Variants in THSD7A observed in about 807,000 individuals in gnomAD.
THSD7A encodes thrombospondin type 1 domain containing 7A.
A neutral mutation model predicts 231.3 loss-of-function variants in THSD7A; 96 were observed. The ratio of observed to expected loss-of-function variants is 0.41; its 90% CI spans 0.35 to 0.49. The LOEUF is 0.49. Ranked by LOEUF, THSD7A falls within the 20% of genes least tolerant of loss-of-function variation. THSD7A has a pLI of 0.05. For synonymous variants in THSD7A, 940 were observed against 743.3 expected, an observed-to-expected ratio of 1.26 and a Z score of -4.30; for missense variants, 2,290 against 2,070.2, an observed-to-expected ratio of 1.11 and a Z score of -2.06.
At chr7:11,551,887 T>G (rs185812984) in intron 4 of THSD7A, among the ~76,000 whole-genome samples, 2 of 152,018 alleles carry the variant, frequency 1.3e-5, no homozygotes, top group African/African-American at 4.8e-5. Context: ...TAAAGACATA[T>G]GCATGCATAT....
intron 4 of THSD7A, among the ~76,000 whole-genome samples, chr7:11,577,977 A>T (rs1790992631): frequency 6.6e-6 from 1 of 152,234 alleles, no homozygotes; most frequent in Admixed American, 6.5e-5. Context: ...TTCTAAAATA[A>T]TACAATGAAA....
intron 4 of THSD7A, among the ~76,000 whole-genome samples, chr7:11,580,827 A>C (rs1791126825): frequency 6.6e-6 from 1 of 152,110 alleles, no homozygotes; most frequent in Admixed American, 6.6e-5. Flanking sequence ...TCTGTACAAC[A>C]AACCCCCATG....
intron 1 of THSD7A, among the ~76,000 whole-genome samples, chr7:11,798,712 T>A (rs1347046551): frequency 6.6e-6 from 1 of 152,184 alleles, no homozygotes; most frequent in East Asian, 1.9e-4. Context: ...GGTATCTAAC[T>A]GATGATTCAG....
At chr7:11,658,332 G>C (rs1227219947) in intron 1 of THSD7A, among the ~76,000 whole-genome samples, 1 of 151,680 alleles carries the variant, frequency 6.6e-6, no homozygotes, top group Admixed American at 6.6e-5. Context: ...AGAAGGATGT[G>C]TCTATCACGT....
chr7:11,568,603 T>A (rs1244636472), intron 4 of THSD7A, among the ~76,000 whole-genome samples: 2 of 113,414 alleles, frequency 1.8e-5, no homozygotes, highest in Admixed American at 2.9e-4. Context: ...CCAACCTGAG[T>A]GACAGAGTGA....
chr7:11,565,631 G>T (rs967661090), intron 4 of THSD7A, among the ~76,000 whole-genome samples: 2 of 151,588 alleles, frequency 1.3e-5, no homozygotes, highest in African/African-American at 4.9e-5. Flanking sequence ...AGAGAGAGAA[G>T]AATCAAGTAT....
At chr7:11,641,202 T>A (rs1446078395) in intron 1 of THSD7A, among the ~76,000 whole-genome samples, 1 of 152,170 alleles carries the variant, frequency 6.6e-6, no homozygotes, top group Non-Finnish European at 1.5e-5. Context: ...ATATGCTTAA[T>A]TAGCTAATTA....
chr7:11,815,053 T>C (rs1784636827), intron 1 of THSD7A, among the ~76,000 whole-genome samples: 1 of 151,038 alleles, frequency 6.6e-6, no homozygotes, highest in Non-Finnish European at 1.5e-5. Flanking sequence ...TGTTGTTACA[T>C]ATACTTTCAT....
intron 4 of THSD7A, among the ~76,000 whole-genome samples, chr7:11,549,236 G>C (rs1014151393): frequency 1.3e-5 from 2 of 152,032 alleles, no homozygotes; most frequent in Non-Finnish European, 2.9e-5. Context: ...AAAAAGTCAA[G>C]AAACAATACA....
In THSD7A at chr7:11,375,196, A is replaced by G. The variant is rs1782216232; in HGVS notation, c.*598T>C. 6.6e-6 allele frequency: 1 copy of G among 152,046 alleles called. No homozygotes were observed. Among genetic ancestry groups the G allele is most frequent in the Non-Finnish European group, 1.5e-5 (1 of 67,976 alleles). 9.4% of individuals were successfully genotyped at this position (152,046 alleles called of 1,614,324 possible). A position where few individuals can be genotyped will look rare whatever the true frequency, so the allele number is the denominator to read the frequency against. Reference sequence around the variant, plus strand: ...TGGAGAGAGACAAGAAGTCTTAAAAAAGAGGCTTTGTCTCTGAAATGCAGG... The same window carrying G: ...TGGAGAGAGACAAGAAGTCTTAAAAGAGAGGCTTTGTCTCTGAAATGCAGG... On this transcript the variant is annotated 3_prime_UTR_variant, in exon 28 of 28. Transcript: ENST00000423059.
intron 11 of THSD7A, among the ~76,000 whole-genome samples, chr7:11,448,178 A>T (rs186381165): frequency 7.3e-4 from 111 of 152,286 alleles, no homozygotes; most frequent in African/African-American, 2.6e-3. Flanking sequence ...AAATTTAAAA[A>T]ATCAAAGTTT....
rs569748414 is a variant in THSD7A, at chr7:11,504,601, T to C, written c.1823-22619A>G. Among the ~76,000 whole-genome samples the C allele has an allele frequency of 2.0e-4, 30 of 152,334 alleles. No individual in the cohort carries two copies. The South Asian group carries it at 6.0e-3, about 30-fold the overall frequency. The stretch of plus-strand genomic sequence containing the variant: ...GGGGTTTTCCCTGGAGCTATCTATA[T>C]GAAGTAGTCCAGGATGTGGCAGGTA... On this transcript the variant is annotated intron_variant, in intron 6 of 27. Coordinates refer to ENST00000423059, the MANE Select transcript of THSD7A (RefSeq NM_015204.3).
At chr7:11,667,608 C>A (rs138637363) in intron 1 of THSD7A, among the ~76,000 whole-genome samples, 1 of 152,056 alleles carries the variant, frequency 6.6e-6, no homozygotes, top group East Asian at 1.9e-4. Flanking sequence ...TAGACTATGA[C>A]CACATTACAA....
At chr7:11,525,883 C>T (rs747818594) in intron 6 of THSD7A, among the ~76,000 whole-genome samples, 4 of 152,134 alleles carry the variant, frequency 2.6e-5, no homozygotes, top group East Asian at 1.9e-4. Flanking sequence ...CTAAATGTAA[C>T]GTGTGACTGG....
chr7:11,561,832 C>G (rs1034016127), intron 4 of THSD7A, among the ~76,000 whole-genome samples: 38 of 151,716 alleles, frequency 2.5e-4, no homozygotes, highest in African/African-American at 8.7e-4. Context: ...GCTTGGGCAA[C>G]AGAGCAACTC....
chr7:11,465,506 T>C (rs1163026904), intron 9 of THSD7A, among the ~76,000 whole-genome samples: 2 of 151,970 alleles, frequency 1.3e-5, no homozygotes, highest in Non-Finnish European at 2.9e-5. Context: ...TTCAGATATC[T>C]TAAGACATTC....
chr7:11,719,270 C>T (rs933585990), intron 1 of THSD7A, among the ~76,000 whole-genome samples: 3 of 151,668 alleles, frequency 2.0e-5, no homozygotes, highest in East Asian at 2.0e-4. Flanking sequence ...TTCCTCCCAC[C>T]CTACGCCCTT....
chr7:11,393,225 G>A (rs1293013519), intron 23 of THSD7A, among the ~76,000 whole-genome samples: 3 of 152,208 alleles, frequency 2.0e-5, no homozygotes, highest in African/African-American at 4.8e-5. Flanking sequence ...TGCAGCCTCC[G>A]TTGGTGATAT....
intron 6 of THSD7A, among the ~76,000 whole-genome samples, chr7:11,521,986 G>A (rs1788286131): frequency 1.3e-5 from 2 of 151,958 alleles, no homozygotes; most frequent in African/African-American, 4.8e-5. Flanking sequence ...CCTGATATAG[G>A]ATTGAGCTAC....
Sources: gnomAD v4.1 joint callset for allele counts (sites outside exome capture counted in the v4.1 genomes callset) on GRCh38, gnomAD v4.1.1 for gene constraint, MANE v1.5 for transcripts, NCBI Gene and HGNC (gene_info 2026-07-23, HGNC 2026-07-21) for gene names.